Variants in GABRB1 observed in about 807,000 individuals in gnomAD.
GABRB1 encodes gamma-aminobutyric acid receptor subunit beta-1.
A neutral mutation model predicts 51.6 loss-of-function variants in GABRB1; 17 were observed. The observed-to-expected ratio is 0.33, with a 90% CI of 0.23 to 0.49. The LOEUF (loss-of-function observed/expected upper bound fraction) is 0.49. Among genes scored for constraint, GABRB1 ranks in the 20% least tolerant of loss-of-function variants. The probability of loss-of-function intolerance (pLI) is 0.99; values close to 1 mark genes in which losing one functional copy is unlikely to be tolerated. For missense variants in GABRB1, 410 were observed against 600.6 expected (o/e 0.68, Z 3.32); for synonymous variants, 247 against 218.9 (o/e 1.13, Z -1.14).
intron 4 of GABRB1, among the ~76,000 whole-genome samples, chr4:47,261,340 C>T (rs980332803): frequency 3.9e-5 from 6 of 152,182 alleles, no homozygotes; most frequent in Non-Finnish European, 7.4e-5. Flanking sequence ...ATAAGCAACT[C>T]CAGCAAAGTC....
chr4:47,166,389 T>G (rs1577967167), intron 4 of GABRB1, among the ~76,000 whole-genome samples: 1 of 152,040 alleles, frequency 6.6e-6, no homozygotes, highest in African/African-American at 2.4e-5. Context: ...CTCCTCTTCC[T>G]CAGCCTACTC....
chr4:47,006,351 A>G (rs765789719), intron 1 of GABRB1, among the ~76,000 whole-genome samples: 6 of 152,134 alleles, frequency 3.9e-5, no homozygotes, highest in Non-Finnish European at 8.8e-5. Context: ...TACATATAAT[A>G]CAGAGTGCAT....
At chr4:47,121,205 G>A (rs1276638074) in intron 3 of GABRB1, among the ~76,000 whole-genome samples, 1 of 152,086 alleles carries the variant, frequency 6.6e-6, no homozygotes, top group Non-Finnish European at 1.5e-5. Flanking sequence ...CTCCCTCCAT[G>A]TCCATGTGTG....
Position 47,214,953 on chromosome 4 carries a change from G to A in GABRB1, c.461+53484G>A, listed in dbSNP as rs563668968. On this transcript the variant is annotated intron_variant, in intron 4 of 8. Transcript: ENST00000295454. ...ATTTCTCAGCTTCCCTTAGAGTAAAGTGCTTTTGGTCCCTGATGGTTCAAC... is the reference window on the plus strand; with the variant it reads ...ATTTCTCAGCTTCCCTTAGAGTAAAATGCTTTTGGTCCCTGATGGTTCAAC... 7.5e-4 allele frequency among the ~76,000 whole-genome samples: 114 copies of A among 152,240 alleles called. 1 individual carries two copies. The highest frequency in any genetic ancestry group is 2.3e-3 in the African/African-American group (94 of 41,560).
intron 4 of GABRB1, among the ~76,000 whole-genome samples, chr4:47,299,268 A>C (rs907112416): frequency 1.2e-4 from 18 of 152,132 alleles, no homozygotes; most frequent in Non-Finnish European, 7.4e-5. Flanking sequence ...GAGCTTCTGC[A>C]CAGCAAAAGA....
chr4:47,261,515 AC>A (rs1722436254), intron 4 of GABRB1, among the ~76,000 whole-genome samples: 1 of 152,218 alleles, frequency 6.6e-6, no homozygotes, highest in Admixed American at 6.5e-5. Flanking sequence ...AAGGAGAACT[AC>A]AAACCACTGC....
chr4:47,250,682 G>T (rs1405446724), intron 4 of GABRB1, among the ~76,000 whole-genome samples: 1 of 152,020 alleles, frequency 6.6e-6, no homozygotes, highest in East Asian at 1.9e-4. Flanking sequence ...TGTTGGATTG[G>T]ATTAACTTTA....
intron 4 of GABRB1, among the ~76,000 whole-genome samples, chr4:47,188,735 T>C (rs1719299699): frequency 6.6e-6 from 1 of 152,034 alleles, no homozygotes; most frequent in Non-Finnish European, 1.5e-5. Context: ...TAACATTTAA[T>C]CAACTAACAT....
intron 5 of GABRB1, among the ~76,000 whole-genome samples, chr4:47,356,999 T>A (rs1449677793): frequency 6.6e-6 from 1 of 152,204 alleles, no homozygotes; most frequent in Admixed American, 6.5e-5. Flanking sequence ...GGCTGAGACC[T>A]AATGTAAGAA....
intron 3 of GABRB1, among the ~76,000 whole-genome samples, chr4:47,107,657 T>C (rs773984537): frequency 6.6e-6 from 1 of 152,090 alleles, no homozygotes; most frequent in Non-Finnish European, 1.5e-5. Context: ...AGTTGACATA[T>C]ATGAACGTAT....
At chr4:47,018,652 A>T (rs767091487) in intron 1 of GABRB1, among the ~76,000 whole-genome samples, 2 of 152,198 alleles carry the variant, frequency 1.3e-5, no homozygotes, top group African/African-American at 2.4e-5. Flanking sequence ...TATATATGAC[A>T]TGCATTGGGT....
intron 3 of GABRB1, among the ~76,000 whole-genome samples, chr4:47,045,405 G>GA (rs1204315592): frequency 6.6e-6 from 1 of 151,832 alleles, no homozygotes; most frequent in Non-Finnish European, 1.5e-5. Context: ...GGTACTTGGG[G>GA]AAAAAACTGG....
intron 3 of GABRB1, among the ~76,000 whole-genome samples, chr4:47,078,954 G>A (rs978753746): frequency 6.6e-6 from 1 of 152,184 alleles, no homozygotes; most frequent in African/African-American, 2.4e-5. Context: ...GCATCCCAGG[G>A]ATGAAGCCCA....
intron 8 of GABRB1, among the ~76,000 whole-genome samples, chr4:47,408,088 T>A (rs1457330059): frequency 1.3e-5 from 2 of 152,144 alleles, no homozygotes; most frequent in African/African-American, 4.8e-5. Context: ...TGAGACCCTG[T>A]CTTAAAATAA....
chr4:47,425,587 G>C, intron 8 of GABRB1, 87 bp from the exon 9 acceptor site: 1 of 1,013,246 alleles, frequency 9.9e-7, no homozygotes, highest in Non-Finnish European at 1.5e-6. Context: ...TGTTTAATGA[G>C]CCTTATGGGG....
At chr4:47,373,729 G>A (rs1727288177) in intron 5 of GABRB1, among the ~76,000 whole-genome samples, 1 of 152,150 alleles carries the variant, frequency 6.6e-6, no homozygotes, top group African/African-American at 2.4e-5. Context: ...CAGCATTGTG[G>A]CAACTATGTG....
intron 5 of GABRB1, among the ~76,000 whole-genome samples, chr4:47,402,282 T>C (rs1248206115): frequency 6.6e-6 from 1 of 152,176 alleles, no homozygotes; most frequent in Non-Finnish European, 1.5e-5. Context: ...CAAAAGTAGA[T>C]CAGCATGGTG....
At chr4:47,322,517 A>G (rs1260003210) in intron 5 of GABRB1, among the ~76,000 whole-genome samples, 1 of 152,182 alleles carries the variant, frequency 6.6e-6, no homozygotes, top group Non-Finnish European at 1.5e-5. Flanking sequence ...ATTTGTAACA[A>G]CACTTGAGAG....
intron 5 of GABRB1, among the ~76,000 whole-genome samples, chr4:47,338,987 A>T (rs1179771952): frequency 1.3e-5 from 2 of 152,164 alleles, no homozygotes; most frequent in African/African-American, 4.8e-5. Flanking sequence ...ACAGAATGCT[A>T]AAAAAACTTG....
Sources: gnomAD v4.1 joint callset for allele counts (sites outside exome capture counted in the v4.1 genomes callset) on GRCh38, gnomAD v4.1.1 for gene constraint, MANE v1.5 for transcripts, NCBI Gene and HGNC (gene_info 2026-07-23, HGNC 2026-07-21) for gene names.